GPHN: variants seen among roughly 807,000 people sequenced by gnomAD.
GPHN encodes gephyrin.
GPHN carries 17 observed loss-of-function variants against 95.5 expected under a neutral mutation model. The observed-to-expected ratio is 0.18, with a 90% CI of 0.12 to 0.27. The LOEUF is 0.27. Ranked by LOEUF, GPHN falls within the 10% of genes least tolerant of loss-of-function variation. GPHN has a pLI of 1.00. For synonymous variants in GPHN, 320 were observed against 322.5 expected, an observed-to-expected ratio of 0.99 and a Z score of 0.08; for missense variants, 660 against 978.1, an observed-to-expected ratio of 0.67 and a Z score of 4.34.
chr14:66,793,080 C>G (rs2060032007), intron 3 of GPHN, among the ~76,000 whole-genome samples: 1 of 152,282 alleles, frequency 6.6e-6, no homozygotes, highest in South Asian at 2.1e-4. Context: ...AACCCACAAC[C>G]TTCCGGCGTG....
intron 1 of GPHN, among the ~76,000 whole-genome samples, chr14:66,543,845 A>G (rs1446008270): frequency 6.6e-6 from 1 of 152,198 alleles, no homozygotes. Flanking sequence ...GGATTACTAT[A>G]GTAACCTCCT....
At chr14:67,261,528 G>A in the GPHN span, among the ~76,000 whole-genome samples, 3 of 152,066 alleles carry the variant, frequency 2.0e-5, no homozygotes, top group Non-Finnish European at 2.9e-5. Context: ...TATATTTTTA[G>A]GATATTCATT....
chr14:66,855,655 A>G (rs1340156545), intron 4 of GPHN, among the ~76,000 whole-genome samples: 2 of 152,138 alleles, frequency 1.3e-5, no homozygotes, highest in Non-Finnish European at 2.9e-5. Flanking sequence ...AGGAATGGAA[A>G]TGTGGGATCA....
chr14:67,114,766 C>G (rs191151310), intron 16 of GPHN, among the ~76,000 whole-genome samples: 237 of 152,246 alleles, frequency 1.6e-3, no homozygotes, highest in African/African-American at 5.2e-3. Flanking sequence ...AGCGATATTG[C>G]TTATATTTCT....
chr14:67,256,926 A>C, the GPHN span, among the ~76,000 whole-genome samples: 1 of 152,176 alleles, frequency 6.6e-6, no homozygotes, highest in Non-Finnish European at 1.5e-5. Flanking sequence ...AATATCTGAC[A>C]GGTCTCATTT....
At chr14:67,647,087 T>G in the GPHN span, 1 of 1,060,452 alleles carries the variant, frequency 9.4e-7, no homozygotes, top group Non-Finnish European at 1.4e-6. Context: ...TTAGCCTGTT[T>G]CTTGAGGACA....
the GPHN span, among the ~76,000 whole-genome samples, chr14:67,377,522 T>C: frequency 6.6e-6 from 1 of 152,206 alleles, no homozygotes; most frequent in Non-Finnish European, 1.5e-5. Flanking sequence ...AAGAACTACT[T>C]TTCCACTGTC....
At chr14:66,623,794 T>G (rs2063410116) in intron 1 of GPHN, among the ~76,000 whole-genome samples, 1 of 152,032 alleles carries the variant, frequency 6.6e-6, no homozygotes, top group Admixed American at 6.6e-5. Flanking sequence ...TTTCATGGCT[T>G]TATTGGATAC....
chr14:66,841,764 G>T (rs374514516), intron 4 of GPHN, among the ~76,000 whole-genome samples: 8 of 152,222 alleles, frequency 5.3e-5, no homozygotes, highest in African/African-American at 1.7e-4. Context: ...TATGAGGCCG[G>T]GCATGGTGAC....
the GPHN span, chr14:67,515,407 CCGGCGG>C: frequency 3.9e-5 from 7 of 178,828 alleles, no homozygotes; most frequent in East Asian, 1.7e-4. Context: ...AAAGGAGCCC[CCGGCGG>C]CGGCGGCGGC....
chr14:67,704,596 T>C, the GPHN span, among the ~76,000 whole-genome samples: 1 of 152,182 alleles, frequency 6.6e-6, no homozygotes, highest in Non-Finnish European at 1.5e-5. Context: ...GCAGGTGTCT[T>C]AGAGTGCACT....
chr14:67,157,856 G>A (rs536747773), intron 18 of GPHN, among the ~76,000 whole-genome samples: 133 of 150,948 alleles, frequency 8.8e-4, no homozygotes, highest in African/African-American at 3.1e-3. Context: ...GAAAAAGAGA[G>A]AGAGAGTGGC....
intron 1 of GPHN, among the ~76,000 whole-genome samples, chr14:66,508,886 C>T (rs919926094): frequency 2.0e-5 from 3 of 152,134 alleles, no homozygotes; most frequent in Non-Finnish European, 4.4e-5. Context: ...GAGGGCGCTG[C>T]GGGGCTCCGC....
chr14:67,117,392 T>C (rs192672148), intron 16 of GPHN, among the ~76,000 whole-genome samples: 4 of 152,274 alleles, frequency 2.6e-5, no homozygotes, highest in African/African-American at 9.6e-5. Context: ...GAAAGATAAA[T>C]GTGTGAAAGA....
the GPHN span, among the ~76,000 whole-genome samples, chr14:67,449,723 T>C: frequency 6.6e-6 from 1 of 152,182 alleles, no homozygotes; most frequent in Non-Finnish European, 1.5e-5. Flanking sequence ...CAGTGGGAGA[T>C]GACTGAATCA....
the GPHN span, chr14:67,228,486 T>A: frequency 5.7e-6 from 1 of 174,752 alleles, no homozygotes; most frequent in Non-Finnish European, 1.1e-5. Context: ...AGACAATCAG[T>A]GCAAGAGGAA....
At chr14:67,234,878 G>T in the GPHN span, among the ~76,000 whole-genome samples, 1 of 150,932 alleles carries the variant, frequency 6.6e-6, no homozygotes, top group East Asian at 2.0e-4. Flanking sequence ...AGTTCAGGCC[G>T]GGTGCGGTGG....
At chr14:67,131,930 C>A (rs1385878224) in intron 17 of GPHN, among the ~76,000 whole-genome samples, 4 of 152,104 alleles carry the variant, frequency 2.6e-5, no homozygotes, top group African/African-American at 9.7e-5. Flanking sequence ...GACCTTCTAG[C>A]CTTTCAAGGC....
intron 1 of GPHN, among the ~76,000 whole-genome samples, chr14:66,657,715 ATACTT>A (rs1412781080): frequency 2.0e-5 from 3 of 152,178 alleles, no homozygotes; most frequent in Non-Finnish European, 4.4e-5. Flanking sequence ...GATTTACTAA[ATACTT>A]TAAGTCCACT....
Sources: allele counts gnomAD v4.1 joint callset (sites outside exome capture counted in the v4.1 genomes callset), GRCh38; gene constraint gnomAD v4.1.1; transcripts MANE v1.5; gene names NCBI Gene and HGNC (gene_info 2026-07-23, HGNC 2026-07-21).